The following UBR4 variants were observed in gnomAD, a reference collection of about 807,000 sequenced individuals.
The protein encoded by UBR4 is E3 ubiquitin-protein ligase UBR4.
UBR4 carries 124 observed loss-of-function variants against 575.6 expected under a neutral mutation model. That is an observed-to-expected ratio of 0.22 (90% confidence interval 0.19 to 0.25). UBR4 has a LOEUF of 0.25. UBR4 is among the 10% of genes least tolerant of loss of function. The probability of loss-of-function intolerance (pLI) is 1.00; values close to 1 mark genes in which losing one functional copy is unlikely to be tolerated. For synonymous variants in UBR4, 2,455 were observed against 2,473.7 expected (o/e 0.99, Z 0.22); for missense variants, 4,818 against 6,478.8 (o/e 0.74, Z 8.80).
intron 35 of UBR4, 71 bp from the exon 36 acceptor site, chr1:19,161,968 C>A: frequency 6.5e-7 from 1 of 1,547,516 alleles, no homozygotes. Context: ...AACACATGTG[C>A]CTCAACGCCC....
At chr1:19,149,830 A>C (rs1404785106) in intron 49 of UBR4, 3 of 1,288,496 alleles carry the variant, frequency 2.3e-6, no homozygotes, top group Non-Finnish European at 3.0e-6. Flanking sequence ...AAAAAAGGAA[A>C]AAAATGTGAA....
At chr1:19,121,005 G>A (rs943674175) in intron 68 of UBR4, among the ~76,000 whole-genome samples, 184 bp downstream of exon 68, 3 of 152,302 alleles carry the variant, frequency 2.0e-5, no homozygotes, top group African/African-American at 4.8e-5. Context: ...GAGAAGTCAT[G>A]CTGTTTAAGG....
At chr1:19,162,393 T>G in intron 35 of UBR4, 27 bp downstream of exon 35, 1 of 1,595,160 alleles carries the variant, frequency 6.3e-7, no homozygotes, top group Non-Finnish European at 8.5e-7. Context: ...CCTTGAGAGG[T>G]TAACTTCGAG....
chr1:19,204,732 T>G (rs1483797618), intron 1 of UBR4, among the ~76,000 whole-genome samples: 1 of 152,078 alleles, frequency 6.6e-6, no homozygotes, highest in African/African-American at 2.4e-5. Flanking sequence ...ACTTATAATG[T>G]GCACTGGGCA....
At position 19,187,538 on chromosome 1, in the gene UBR4, T is replaced by G. The variant is rs769074178; in HGVS notation, c.1397A>C (p.His466Pro). The G allele has an allele frequency of 3.1e-6, 5 of 1,613,132 alleles. No homozygotes were observed. Among genetic ancestry groups the G allele is most frequent in the Non-Finnish European group, 4.2e-6 (5 of 1,179,718 alleles). Residue 466 changes from histidine (H) to proline (P), a missense_variant and splice_region_variant, in exon 12 of 106, where the codon CAT (histidine) becomes CCT (proline). This residue lies in a region of UBR4 where 162 missense variants were observed against 216.4 expected (regional missense o/e 0.75). Transcript: ENST00000375254. ...TACTGAGAGTACCCCAAATCCCTGA[T>G]GCCTACACAAAGAAAAAGGAAAACA... ...GSPKLGPGKG[H>P]QGFGVLSVIL...
rs1319734373 is a variant in UBR4, at chr1:19,156,295, T to C, written c.6048A>G (p.Ala2016=). The change falls in exon 42 of 106, where the codon GCA becomes GCG. Residue 2016 remains alanine, a synonymous_variant. Coordinates refer to ENST00000375254, the MANE Select transcript of UBR4 (RefSeq NM_020765.3). The stretch of plus-strand genomic sequence containing the variant: ...CCTTAACAAAGTCTGCGGTGACAAT[T>C]GCTAACTCGGTCTGTGAACCAGGTA... ...VWLPGSQTEL[A]IVTADFVKIY... The C allele has an allele frequency of 6.2e-7, 1 of 1,614,070 alleles. No homozygotes were observed. The highest frequency in any genetic ancestry group is 1.3e-5 in the African/African-American group (1 of 74,926).
chr1:19,074,549 T>C lies in UBR4; in HGVS notation c.*283A>G, dbSNP rs757663079. On this transcript the variant is annotated 3_prime_UTR_variant, in exon 106 of 106. Coordinates refer to ENST00000375254, the MANE Select transcript of UBR4 (RefSeq NM_020765.3). ...TAAGTCACTTGTTTATTTCTCAAGATGTGCACACTCAAGTATGAAGCTGGC... is the reference window on the plus strand; with the variant it reads ...TAAGTCACTTGTTTATTTCTCAAGACGTGCACACTCAAGTATGAAGCTGGC... 68 of 480,112 alleles carry C rather than the reference T, an allele frequency of 1.4e-4. No individual in the cohort carries two copies. The highest frequency in any genetic ancestry group is 2.5e-4 in the Non-Finnish European group (66 of 262,586). 29.7% of individuals were successfully genotyped at this position (480,112 alleles called of 1,614,324 possible).
chr1:19,121,504 G>T, intron 67 of UBR4, 70 bp from the exon 68 acceptor site: 1 of 1,549,092 alleles, frequency 6.5e-7, no homozygotes, highest in Non-Finnish European at 8.7e-7. Flanking sequence ...CCAAAACAAC[G>T]TCTCCCTACA....
intron 26 of UBR4, 80 bp downstream of exon 26, chr1:19,170,682 G>C: frequency 6.3e-7 from 1 of 1,585,478 alleles, no homozygotes; most frequent in Admixed American, 1.7e-5. Flanking sequence ...ACGCCAGTAG[G>C]CACCAAGGGA....
Position 19,120,311 on chromosome 1 carries a change from T to C in UBR4, c.10179A>G (p.Thr3393=). 6.2e-7 allele frequency: 1 copy of C among 1,614,152 alleles called. No individual in the cohort carries two copies. The highest frequency in any genetic ancestry group is 1.6e-4 in the Middle Eastern group (1 of 6,062). ...TSGSQEDQLC[T]ALVNQLNKFA... is the part of the protein sequence containing the mutation. Reference sequence around the variant, plus strand: ...ATTTGTTCAGCTGGTTCACCAGAGCTGTGCACAGCTGGTCCTCCTGGCTGC... The same window carrying C: ...ATTTGTTCAGCTGGTTCACCAGAGCCGTGCACAGCTGGTCCTCCTGGCTGC... Residue 3393 remains threonine, a synonymous_variant, in exon 69 of 106, where the codon ACA becomes ACG. Coordinates refer to ENST00000375254, the MANE Select transcript of UBR4 (RefSeq NM_020765.3).
intron 77 of UBR4, 75 bp downstream of exon 77, chr1:19,113,621 GAGC>G (rs1013687868): frequency 6.3e-7 from 1 of 1,576,648 alleles, no homozygotes; most frequent in African/African-American, 1.3e-5. Flanking sequence ...CTAGATGAGA[GAGC>G]AGCAGGACTG....
intron 49 of UBR4, chr1:19,149,703 G>C: frequency 7.9e-7 from 1 of 1,262,734 alleles, no homozygotes; most frequent in East Asian, 5.6e-5. Flanking sequence ...CACACCATTG[G>C]TTACACGGCT....
intron 44 of UBR4, among the ~76,000 whole-genome samples, chr1:19,154,431 T>C (rs974213711): frequency 2.0e-5 from 3 of 152,204 alleles, no homozygotes; most frequent in African/African-American, 7.2e-5. Context: ...CCTCCCTAAA[T>C]GAAACTCTCA....
At chr1:19,103,696 A>T (rs2078894848) in intron 87 of UBR4, among the ~76,000 whole-genome samples, 1 of 152,268 alleles carries the variant, frequency 6.6e-6, no homozygotes, top group Non-Finnish European at 1.5e-5. Context: ...TAAATACACA[A>T]TGAGATGAAC....
chr1:19,148,956 G>A (rs2085270356), intron 49 of UBR4, among the ~76,000 whole-genome samples: 1 of 152,166 alleles, frequency 6.6e-6, no homozygotes, highest in Non-Finnish European at 1.5e-5. Context: ...CAGTCTTGAT[G>A]CAATGGGACC....
At chr1:19,155,786 T>C in intron 42 of UBR4, 118 bp from the exon 43 acceptor site, 1 of 836,586 alleles carries the variant, frequency 1.2e-6, no homozygotes, top group Non-Finnish European at 1.9e-6. Flanking sequence ...CTCCATTCAG[T>C]AAAAAAATGG....
intron 1 of UBR4, among the ~76,000 whole-genome samples, chr1:19,208,738 G>A (rs565566552): frequency 4.6e-5 from 7 of 152,236 alleles, no homozygotes; most frequent in Admixed American, 4.6e-4. Context: ...TTATGGAAGG[G>A]TGTCAACAAA....
chr1:19,143,915 C>T (rs1254648445), intron 55 of UBR4, 65 bp downstream of exon 55: 10 of 1,478,012 alleles, frequency 6.8e-6, no homozygotes, highest in Non-Finnish European at 9.4e-6. Flanking sequence ...CCCAATGCTA[C>T]TGTACCTCCC....
At chr1:19,150,212 G>T (rs535372980) in intron 49 of UBR4, among the ~76,000 whole-genome samples, 2 of 152,204 alleles carry the variant, frequency 1.3e-5, no homozygotes, top group East Asian at 3.9e-4. Context: ...AAGATGATGA[G>T]CTCAGAATGG....
Sources: allele counts gnomAD v4.1 joint callset (sites outside exome capture counted in the v4.1 genomes callset), GRCh38; gene constraint gnomAD v4.1.1; regional missense constraint gnomAD v4.1.1; transcripts MANE v1.5; gene names NCBI Gene and HGNC (gene_info 2026-07-23, HGNC 2026-07-21).